The following PRKAA1 variants were observed in gnomAD, a reference collection of about 807,000 sequenced individuals.
PRKAA1 encodes the protein 5'-AMP-activated protein kinase catalytic subunit alpha-1.
PRKAA1 carries 23 observed loss-of-function variants against 56.9 expected under a neutral mutation model. The observed-to-expected ratio is 0.40, with a 90% confidence interval of 0.29 to 0.57. The LOEUF is 0.57. Among genes scored for constraint, PRKAA1 ranks in the 20% least tolerant of loss-of-function variants. The pLI is 0.39. For missense variants in PRKAA1, 413 were observed against 679.7 expected (o/e 0.61, Z 4.36); for synonymous variants, 226 against 227.0 (o/e 1.00, Z 0.04).
Position 40,795,981 on chromosome 5 carries a change from C to T in PRKAA1, c.127+2082G>A, listed in dbSNP as rs114987692. On this transcript the variant is annotated intron_variant, in intron 1 of 8. Transcript: ENST00000397128. ...AATCCAGAAGATGAAAAATCTCTTC[C>T]TGCTTTACTACCTGCCATGCCAAAA... 4.2e-3 allele frequency among the ~76,000 whole-genome samples: 639 copies of T among 152,324 alleles called. 4 individuals carry two copies. The highest frequency in any genetic ancestry group is 0.015 in the African/African-American group (614 of 41,580).
rs1300155997 is a variant in PRKAA1 at position 40,798,061 on chromosome 5, A to G, written c.127+2T>C. ...CCAAGCCTAGTCCCGCGGGGTTCTCACCCTTCACTTTGCCGAAGGTGCCGA... is the reference window on the plus strand; with the variant it reads ...CCAAGCCTAGTCCCGCGGGGTTCTCGCCCTTCACTTTGCCGAAGGTGCCGA... On this transcript the variant is annotated splice_donor_variant, in intron 1 of 8. Coordinates refer to ENST00000397128, the MANE Select transcript of PRKAA1 (RefSeq NM_006251.6). LOFTEE classifies it high-confidence loss of function. The G allele has an allele frequency of 6.2e-7, 1 of 1,607,334 alleles. No homozygotes were observed. Among genetic ancestry groups the G allele is most frequent in the Non-Finnish European group, 8.5e-7 (1 of 1,176,584 alleles).
chr5:40,768,969 A>C, intron 5 of PRKAA1: 1 of 1,415,950 alleles, frequency 7.1e-7, no homozygotes, highest in Non-Finnish European at 9.7e-7. Context: ...GATTCAACAT[A>C]AATGAAGTCT....
intron 7 of PRKAA1, 31 bp downstream of exon 7, chr5:40,764,721 G>A (rs1452187702): frequency 6.2e-7 from 1 of 1,603,588 alleles, no homozygotes; most frequent in Admixed American, 1.7e-5. Context: ...TGCCAAATAT[G>A]CTAATAATCA....
chr5:40,772,442 C>T (rs1317966817), intron 3 of PRKAA1, among the ~76,000 whole-genome samples: 1 of 148,974 alleles, frequency 6.7e-6, no homozygotes, highest in Non-Finnish European at 1.5e-5. Flanking sequence ...TATTTAAGCA[C>T]TATTCATAAA....
chr5:40,786,053 G>A (rs546534236), intron 1 of PRKAA1, among the ~76,000 whole-genome samples: 10 of 152,072 alleles, frequency 6.6e-5, no homozygotes, highest in Non-Finnish European at 1.3e-4. Context: ...TCAGGAGTTC[G>A]AGACCAGCCT....
At chr5:40,764,015 T>A (rs1056485065) in intron 8 of PRKAA1, among the ~76,000 whole-genome samples, 5 of 152,152 alleles carry the variant, frequency 3.3e-5, no homozygotes, top group Non-Finnish European at 7.3e-5. Context: ...GCTCAAGCCA[T>A]CCTCCCACCT....
At chr5:40,797,582 G>T (rs1744982659) in intron 1 of PRKAA1, among the ~76,000 whole-genome samples, 1 of 152,154 alleles carries the variant, frequency 6.6e-6, no homozygotes, top group African/African-American at 2.4e-5. Flanking sequence ...GAAACAGCAG[G>T]GGCCGGTAAA....
chr5:40,767,413 A>C, intron 6 of PRKAA1, 53 bp downstream of exon 6: 1 of 1,468,910 alleles, frequency 6.8e-7, no homozygotes, highest in Non-Finnish European at 9.3e-7. Context: ...TTTTTCACAT[A>C]ACTTTTATCA....
At chr5:40,767,360 T>G (rs1392968878) in intron 6 of PRKAA1, 106 bp downstream of exon 6, 9 of 901,928 alleles carry the variant, frequency 1.0e-5, no homozygotes, top group Non-Finnish European at 1.5e-5. Flanking sequence ...TTTTTTCACA[T>G]AAAAACAGGA....
At chr5:40,768,805 A>T in intron 5 of PRKAA1, 1 of 1,467,318 alleles carries the variant, frequency 6.8e-7, no homozygotes, top group Non-Finnish European at 9.0e-7. Context: ...AAGGACAAAG[A>T]GTTATTCTTA....
At chr5:40,771,894 T>G in intron 3 of PRKAA1, 31 bp from the exon 4 acceptor site, 1 of 1,596,590 alleles carries the variant, frequency 6.3e-7, no homozygotes, top group Non-Finnish European at 8.5e-7. Flanking sequence ...TTTTTAAAGG[T>G]GTGTCTTTCA....
Position 40,777,599 on chromosome 5 carries a change from T to A in PRKAA1, c.128-13A>T. 6.3e-7 allele frequency: 1 copy of A among 1,590,456 alleles called. No individual in the cohort carries two copies. Among genetic ancestry groups the A allele is most frequent in the Non-Finnish European group, 8.6e-7 (1 of 1,162,782 alleles). ...TCATGTTTGCCAACTGTAAAAGAAG[T>A]AATTTAATAAATTAGTACTAAGTAT... On this transcript the variant is annotated splice_polypyrimidine_tract_variant and intron_variant, in intron 1 of 8. Coordinates refer to ENST00000397128, the MANE Select transcript of PRKAA1 (RefSeq NM_006251.6).
rs758435726 is a variant in PRKAA1 at position 40,764,740 on chromosome 5, T to C, written c.1308+12A>G. The C allele has an allele frequency of 2.3e-5, 37 of 1,605,428 alleles. No individual in the cohort carries two copies. The South Asian group carries it at 4.1e-4, about 18-fold the overall frequency. ...AAATATGCTAATAATCAAAATGTTA[T>C]TTCTTTCTTACCTTCCATTCATAAT... On this transcript the variant is annotated intron_variant, in intron 7 of 8. Transcript: ENST00000397128.
chr5:40,764,332 T>A (rs1269441064), intron 8 of PRKAA1, 182 bp downstream of exon 8: 5 of 585,858 alleles, frequency 8.5e-6, no homozygotes, highest in African/African-American at 7.5e-5. Flanking sequence ...CAATATGCTA[T>A]AAGATTACAA....
Position 40,786,076 on chromosome 5 carries a change from G to A in PRKAA1, c.128-8490C>T, listed in dbSNP as rs138090604. Among the ~76,000 whole-genome samples the A allele has an allele frequency of 2.6e-3, 401 of 152,180 alleles. 12 individuals carry two copies. In the South Asian group the frequency reaches 0.051, roughly 20 times the overall value. On this transcript the variant is annotated intron_variant, in intron 1 of 8. Coordinates refer to ENST00000397128, the MANE Select transcript of PRKAA1 (RefSeq NM_006251.6). Reference sequence around the variant, plus strand: ...TCGAGACCAGCCTGGCCAACATGGCGAAACTCCATCTCTACTAAAAATAGA... The same window carrying A: ...TCGAGACCAGCCTGGCCAACATGGCAAAACTCCATCTCTACTAAAAATAGA...
chr5:40,789,362 A>T (rs144331759), intron 1 of PRKAA1, among the ~76,000 whole-genome samples: 1 of 152,370 alleles, frequency 6.6e-6, no homozygotes, highest in East Asian at 1.9e-4. Flanking sequence ...AAGGTGAAAG[A>T]TAAGTGTTAG....
At chr5:40,789,496 C>A (rs912548606) in intron 1 of PRKAA1, among the ~76,000 whole-genome samples, 15 of 152,158 alleles carry the variant, frequency 9.9e-5, no homozygotes, top group African/African-American at 3.6e-4. Flanking sequence ...ATCCAGCAAT[C>A]CCATTACTGA....
intron 3 of PRKAA1, 112 bp from the exon 4 acceptor site, chr5:40,771,975 A>C: frequency 7.9e-7 from 1 of 1,268,980 alleles, no homozygotes; most frequent in Non-Finnish European, 1.1e-6. Context: ...TTCCCAATGA[A>C]CTTCACTTAT....
Position 40,777,510 on chromosome 5 carries a change from C to G in PRKAA1, c.204G>C (p.Val68=), listed in dbSNP as rs924785447. 6.2e-7 allele frequency: 1 copy of G among 1,613,650 alleles called. No homozygotes were observed. Among genetic ancestry groups the G allele is most frequent in the Non-Finnish European group, 8.5e-7 (1 of 1,179,594 alleles). ...GAATTTCTCTGCGGATTTTTCCTACCACATCAAGGCTCCGAATCTTCTGTC... is the reference window on the plus strand; with the variant it reads ...GAATTTCTCTGCGGATTTTTCCTACGACATCAAGGCTCCGAATCTTCTGTC... The part of the protein sequence containing the change: ...LNRQKIRSLD[V]VGKIRREIQN... Residue 68 remains valine (V), a synonymous_variant, in exon 2 of 9, where the codon GTG becomes GTC. Coordinates refer to ENST00000397128, the MANE Select transcript of PRKAA1 (RefSeq NM_006251.6).
Sources: gnomAD v4.1 joint callset for allele counts (sites outside exome capture counted in the v4.1 genomes callset) on GRCh38, gnomAD v4.1.1 for gene constraint, MANE v1.5 for transcripts, NCBI Gene and HGNC (gene_info 2026-07-23, HGNC 2026-07-21) for gene names.